The following AGAP1 variants were observed in gnomAD, a reference collection of about 807,000 sequenced individuals.
The protein encoded by AGAP1 is arf-GAP with GTPase, ANK repeat and PH domain-containing protein 1.
A neutral mutation model predicts 105.3 loss-of-function variants in AGAP1; 29 were observed. That is an observed-to-expected ratio of 0.28 (90% CI 0.21 to 0.38). The LOEUF is 0.38. AGAP1 is among the 10% of genes least tolerant of loss of function. The pLI is 1.00. For synonymous variants in AGAP1, 509 were observed against 485.9 expected, an observed-to-expected ratio of 1.05 and a Z score of -0.63; for missense variants, 998 against 1,165.1, an observed-to-expected ratio of 0.86 and a Z score of 2.09.
chr2:235,512,349 C>T (rs1382049836), intron 1 of AGAP1, among the ~76,000 whole-genome samples: 1 of 152,194 alleles, frequency 6.6e-6, no homozygotes, highest in Non-Finnish European at 1.5e-5. Context: ...GTGATCCCAA[C>T]ACTTTGGGAG....
At chr2:235,666,080 G>A (rs766521513) in intron 1 of AGAP1, among the ~76,000 whole-genome samples, 27 of 152,162 alleles carry the variant, frequency 1.8e-4, no homozygotes, top group Non-Finnish European at 3.4e-4. Flanking sequence ...ATGGGGGTTA[G>A]CTAGGGCTGG....
intron 9 of AGAP1, among the ~76,000 whole-genome samples, chr2:235,816,438 A>G: frequency 3.1e-5 from 1 of 32,518 alleles, no homozygotes; most frequent in East Asian, 5.5e-4. Flanking sequence ...ACTCCGTCTC[A>G]AAAAAAAAAA....
At chr2:235,972,161 A>G (rs1202103051) in intron 13 of AGAP1, among the ~76,000 whole-genome samples, 1 of 152,198 alleles carries the variant, frequency 6.6e-6, no homozygotes, top group Non-Finnish European at 1.5e-5. Flanking sequence ...ACTGGTTACT[A>G]CTAGTGTATT....
At chr2:235,648,819 G>A (rs1203460163) in intron 1 of AGAP1, among the ~76,000 whole-genome samples, 2 of 151,884 alleles carry the variant, frequency 1.3e-5, no homozygotes, top group African/African-American at 2.4e-5. Context: ...CCTGGGAGGC[G>A]GAGGTTGCAG....
chr2:235,843,108 C>T lies in AGAP1; in HGVS notation c.1050+35777C>T, dbSNP rs765800555. On this transcript the variant is annotated intron_variant, in intron 9 of 17. Coordinates refer to ENST00000304032, the MANE Select transcript of AGAP1 (RefSeq NM_001037131.3). This position sits in a 1 kb window ranked among gnomAD's most constrained non-coding sequence, Gnocchi z 5.9. ...CTCATTGTCCTGTTGCCACCCTTGTCGGTTTTTCACCCTGCAGCCCTTTGA... is the reference window on the plus strand; with the variant it reads ...CTCATTGTCCTGTTGCCACCCTTGTTGGTTTTTCACCCTGCAGCCCTTTGA... Among the ~76,000 whole-genome samples, 11 of 152,210 alleles carry T rather than the reference C, an allele frequency of 7.2e-5. No homozygotes were observed. Among genetic ancestry groups the T allele is most frequent in the Admixed American group, 3.3e-4 (5 of 15,284 alleles).
intron 1 of AGAP1, among the ~76,000 whole-genome samples, chr2:235,579,932 C>T (rs74403891): frequency 3.9e-5 from 6 of 152,324 alleles, no homozygotes; most frequent in South Asian, 4.1e-4. Flanking sequence ...TAGCACCTGA[C>T]GACCGCCAGT....
rs1300866804 is a variant in AGAP1, at chr2:235,549,016, G to A, written c.163+54167G>A. ...CCCTGCTTTGCTTGCAAGGTGGTCCGAGCCTGGGTGGAAAGCACTGCAGGG... is the reference window on the plus strand; with the variant it reads ...CCCTGCTTTGCTTGCAAGGTGGTCCAAGCCTGGGTGGAAAGCACTGCAGGG... On this transcript the variant is annotated intron_variant, in intron 1 of 17. Transcript: ENST00000304032. This position sits in a 1 kb window ranked among gnomAD's most constrained non-coding sequence, Gnocchi z 4.2. Among the ~76,000 whole-genome samples, 1 of 152,192 alleles carries A rather than the reference G, an allele frequency of 6.6e-6. No individual in the cohort carries two copies. The highest frequency in any genetic ancestry group is 1.5e-5 in the Non-Finnish European group (1 of 68,034).
intron 13 of AGAP1, among the ~76,000 whole-genome samples, chr2:235,990,119 C>CT (rs980609289): frequency 2.0e-5 from 3 of 152,126 alleles, no homozygotes; most frequent in Non-Finnish European, 4.4e-5. Context: ...CTGTTAAAAC[C>CT]TTTTTTAATG....
intron 13 of AGAP1, among the ~76,000 whole-genome samples, chr2:236,022,072 AAAAAAAG>A (rs2056904006): frequency 6.6e-6 from 1 of 151,154 alleles, no homozygotes; most frequent in Non-Finnish European, 1.5e-5. Context: ...AAAAAAAAAA[AAAAAAAG>A]GCACATATGG....
In AGAP1 at chr2:235,534,528, T is replaced by C. The variant is rs1489156180; in HGVS notation, c.163+39679T>C. 2.6e-5 allele frequency among the ~76,000 whole-genome samples: 4 copies of C among 152,336 alleles called. No homozygotes were observed. In the East Asian group the frequency reaches 5.8e-4, roughly 22 times the overall value. On this transcript the variant is annotated intron_variant, in intron 1 of 17. Coordinates refer to ENST00000304032, the MANE Select transcript of AGAP1 (RefSeq NM_001037131.3). ...CACATTTGGTAGTTCATTGTTGGGT[T>C]GGTATTTGTCTCCATAACCTGTTTC...
At chr2:235,543,767 C>T (rs1270138508) in intron 1 of AGAP1, among the ~76,000 whole-genome samples, 4 of 152,160 alleles carry the variant, frequency 2.6e-5, no homozygotes, top group Non-Finnish European at 4.4e-5. Flanking sequence ...AGGAACAGCA[C>T]GAGAGCTCCT....
At chr2:235,518,908 T>G (rs1343518286) in intron 1 of AGAP1, among the ~76,000 whole-genome samples, 3 of 152,196 alleles carry the variant, frequency 2.0e-5, no homozygotes, top group African/African-American at 7.2e-5. Context: ...CTCCTGTCCT[T>G]GGGCCTCAGT....
rs1279137637 is a variant in AGAP1, at chr2:235,577,606, T to G, written c.163+82757T>G. 6.6e-6 allele frequency among the ~76,000 whole-genome samples: 1 copy of G among 152,166 alleles called. No individual in the cohort carries two copies. The highest frequency in any genetic ancestry group is 2.4e-5 in the African/African-American group (1 of 41,442). On this transcript the variant is annotated intron_variant, in intron 1 of 17. Coordinates refer to ENST00000304032, the MANE Select transcript of AGAP1 (RefSeq NM_001037131.3). This position sits in a 1 kb window ranked among gnomAD's most constrained non-coding sequence, Gnocchi z 4.5. ...CCCGGAGCATGGCTGTGTGGCTGCC[T>G]GACTACATGGTTCTTCCCCCGGTTA...
Position 235,705,732 on chromosome 2 carries a change from A to C in AGAP1, c.164-3447A>C, listed in dbSNP as rs964956224. ...ATGAAGAGTTTTGGCCAATTGAGTC[A>C]AGCATTTATTTTATTACTCTTATTG... On this transcript the variant is annotated intron_variant, in intron 1 of 17. Transcript: ENST00000304032. The surrounding 1 kb of genome is among the most constrained non-coding windows in gnomAD (Gnocchi z 4.9). 3.9e-5 allele frequency among the ~76,000 whole-genome samples: 6 copies of C among 152,248 alleles called. No individual in the cohort carries two copies. Among genetic ancestry groups the C allele is most frequent in the African/African-American group, 1.4e-4 (6 of 41,470 alleles).
At chr2:235,786,993 G>T (rs918176002) in intron 6 of AGAP1, among the ~76,000 whole-genome samples, 1 of 152,190 alleles carries the variant, frequency 6.6e-6, no homozygotes. Flanking sequence ...AGGCTTCCTT[G>T]AGGGAGCTGT....
intron 11 of AGAP1, among the ~76,000 whole-genome samples, chr2:235,925,172 G>A (rs1033441848): frequency 1.3e-5 from 2 of 152,104 alleles, no homozygotes; most frequent in Non-Finnish European, 2.9e-5. Context: ...TTGTATTTGC[G>A]CGTGACTTGA....
rs13018365 is a variant in AGAP1, at chr2:235,553,369, G to T, written c.163+58520G>T. Among the ~76,000 whole-genome samples, 20,127 of 152,070 alleles carry T rather than the reference G, an allele frequency of 0.13. 1,494 individuals are homozygous for T. Among genetic ancestry groups the T allele is most frequent in the East Asian group, 0.3 (1,532 of 5,122 alleles). On this transcript the variant is annotated intron_variant, in intron 1 of 17. Transcript: ENST00000304032. The surrounding 1 kb of genome is among the most constrained non-coding windows in gnomAD (Gnocchi z 4.5). Reference sequence around the variant, plus strand: ...GTCTTGGTCAGGTCACGATGTTCCTGTGAATTTTTAATAAAACATAGTTGT... The same window carrying T: ...GTCTTGGTCAGGTCACGATGTTCCTTTGAATTTTTAATAAAACATAGTTGT...
Position 236,003,580 on chromosome 2 carries a change from T to C in AGAP1, c.1646-32981T>C, listed in dbSNP as rs1576028656. Among the ~76,000 whole-genome samples the C allele has an allele frequency of 2.0e-5, 3 of 152,098 alleles. No individual in the cohort carries two copies. Among genetic ancestry groups the C allele is most frequent in the Admixed American group, 6.6e-5 (1 of 15,266 alleles). On this transcript the variant is annotated intron_variant, in intron 13 of 17. Transcript: ENST00000304032. This position sits in a 1 kb window ranked among gnomAD's most constrained non-coding sequence, Gnocchi z 4.2. Reference sequence around the variant, plus strand: ...CTGCGCTGCTGCTGCCCGCATGGGGTACCCTTAAGTCCCACATCCAAGCTC... The same window carrying C: ...CTGCGCTGCTGCTGCCCGCATGGGGCACCCTTAAGTCCCACATCCAAGCTC...
intron 1 of AGAP1, among the ~76,000 whole-genome samples, chr2:235,589,194 G>GTTTTTTTTTTTTTTTTTTTT (rs928149334): frequency 5.0e-5 from 3 of 59,582 alleles, no homozygotes; most frequent in African/African-American, 8.0e-5. Context: ...TTATTGTTTT[G>GTTTTTTTTTTTTTTTTTTTT]TTTTTTTTTT....
Sources: gnomAD v4.1 joint callset for allele counts (sites outside exome capture counted in the v4.1 genomes callset) on GRCh38, gnomAD v4.1.1 for gene constraint, Gnocchi (gnomAD v3.1) non-coding constraint, MANE v1.5 for transcripts, NCBI Gene and HGNC (gene_info 2026-07-23, HGNC 2026-07-21) for gene names.